ROR1: variants seen among roughly 807,000 people sequenced by gnomAD.
The protein encoded by ROR1 is ROR family WNT receptor 1.
Under a neutral mutation model 78.8 loss-of-function variants are expected in ROR1, and 19 were observed. The ratio of observed to expected loss-of-function variants is 0.24; its 90% CI spans 0.17 to 0.35. ROR1 has a LOEUF of 0.35. Among genes scored for constraint, ROR1 ranks in the 10% least tolerant of loss-of-function variants. ROR1 has a pLI of 1.00. For missense variants in ROR1, 917 were observed against 1,177.8 expected (o/e 0.78, Z 3.24); for synonymous variants, 386 against 433.6 (o/e 0.89, Z 1.36).
rs574636107 is a variant in ROR1 at position 63,943,659 on chromosome 1, A to G, written c.92-65646A>G. Among the ~76,000 whole-genome samples the G allele has an allele frequency of 2.0e-4, 30 of 152,332 alleles. No homozygotes were observed. In the South Asian group the frequency reaches 6.0e-3, roughly 31 times the overall value. Reference sequence around the variant, plus strand: ...GCCATGTGGTTAACTGCTCCCCGCCACCAAGCTGGCTGGTCACATTTGCAG... The same window carrying G: ...GCCATGTGGTTAACTGCTCCCCGCCGCCAAGCTGGCTGGTCACATTTGCAG... On this transcript the variant is annotated intron_variant, in intron 1 of 8. Coordinates refer to ENST00000371079, the MANE Select transcript of ROR1 (RefSeq NM_005012.4).
intron 4 of ROR1, among the ~76,000 whole-genome samples, chr1:64,070,605 C>T (rs1490661180): frequency 6.6e-6 from 1 of 152,152 alleles, no homozygotes; most frequent in Non-Finnish European, 1.5e-5. Context: ...TAGGTGTGAG[C>T]CACCACACCT....
chr1:63,861,648 CTG>C (rs1645182645), intron 1 of ROR1, among the ~76,000 whole-genome samples: 1 of 152,188 alleles, frequency 6.6e-6, no homozygotes, highest in Non-Finnish European at 1.5e-5. Flanking sequence ...CTTTCTGCAT[CTG>C]TGATTTGCAG....
At chr1:63,877,594 G>C (rs1645296211) in intron 1 of ROR1, among the ~76,000 whole-genome samples, 4 of 152,120 alleles carry the variant, frequency 2.6e-5, no homozygotes, top group South Asian at 2.1e-4. Context: ...AAGGTTACAG[G>C]GAGGACAATA....
chr1:63,804,218 G>T (rs986095975), intron 1 of ROR1, among the ~76,000 whole-genome samples: 1 of 152,142 alleles, frequency 6.6e-6, no homozygotes, highest in African/African-American at 2.4e-5. Context: ...TAATTGTAAT[G>T]GTGGTTACAT....
intron 1 of ROR1, among the ~76,000 whole-genome samples, chr1:63,961,165 T>C (rs569292846): frequency 4.6e-5 from 7 of 152,130 alleles, no homozygotes; most frequent in African/African-American, 1.7e-4. Flanking sequence ...TTTAATATTA[T>C]AAGGTCTGGA....
intron 1 of ROR1, among the ~76,000 whole-genome samples, chr1:63,928,151 T>C (rs1645721226): frequency 6.6e-6 from 1 of 152,206 alleles, no homozygotes; most frequent in Non-Finnish European, 1.5e-5. Flanking sequence ...CTTGAAGCAC[T>C]TGGCAATCGC....
intron 1 of ROR1, among the ~76,000 whole-genome samples, chr1:63,963,086 G>T (rs775607616): frequency 6.6e-6 from 1 of 152,144 alleles, no homozygotes; most frequent in Non-Finnish European, 1.5e-5. Flanking sequence ...CTCAGTTATA[G>T]ATGACATCTG....
rs57880828 is a variant in ROR1, at chr1:64,163,222, AACACACACACAC to A, written c.1386+4064_1386+4075del. On this transcript the variant is annotated intron_variant, in intron 8 of 8. Coordinates refer to ENST00000371079, the MANE Select transcript of ROR1 (RefSeq NM_005012.4). ...AACATGGGGAAACCCCATCTCTACAAACACACACACACACACACACACACACACACACACACA... is the reference window on the plus strand; with the variant it reads ...AACATGGGGAAACCCCATCTCTACAAACACACACACACACACACACACACA... 1.2e-3 allele frequency among the ~76,000 whole-genome samples: 164 copies of A among 137,672 alleles called. 1 individual carries two copies. The highest frequency in any genetic ancestry group is 5.3e-3 in the South Asian group (21 of 3,986). 90.3% of individuals were successfully genotyped at this position (137,672 alleles called of 152,430 possible). A position where few individuals can be genotyped will look rare whatever the true frequency, so the allele number is the denominator to read the frequency against.
chr1:64,129,214 C>A (rs1320802134), intron 4 of ROR1, among the ~76,000 whole-genome samples: 1 of 152,160 alleles, frequency 6.6e-6, no homozygotes, highest in African/African-American at 2.4e-5. Context: ...TTTCACCCCA[C>A]TTCTGAGTAG....
In ROR1 at chr1:64,160,420, C is replaced by A. The variant is rs1023773306; in HGVS notation, c.1386+1228C>A. ...TTCAGTGTATATATTCTGTATTCAG[C>A]AAAACCACTGATCTCTTGCTGAGTG... On this transcript the variant is annotated intron_variant, in intron 8 of 8. Coordinates refer to ENST00000371079, the MANE Select transcript of ROR1 (RefSeq NM_005012.4). Among the ~76,000 whole-genome samples the A allele has an allele frequency of 7.3e-5, 11 of 151,648 alleles. No homozygotes were observed. The East Asian group carries it at 2.1e-3, about 29-fold the overall frequency.
intron 4 of ROR1, among the ~76,000 whole-genome samples, chr1:64,087,613 T>G (rs1647165004): frequency 6.6e-6 from 1 of 152,224 alleles, no homozygotes; most frequent in African/African-American, 2.4e-5. Flanking sequence ...TATTTATTAT[T>G]GTCTTGTGAT....
At chr1:64,098,152 A>G (rs1647372982) in intron 4 of ROR1, among the ~76,000 whole-genome samples, 1 of 152,134 alleles carries the variant, frequency 6.6e-6, no homozygotes, top group Non-Finnish European at 1.5e-5. Flanking sequence ...CAGTGATGAA[A>G]TAAAGTGAAA....
intron 2 of ROR1, among the ~76,000 whole-genome samples, chr1:64,024,570 T>G (rs1310688022): frequency 2.6e-5 from 4 of 152,178 alleles, no homozygotes; most frequent in Non-Finnish European, 5.9e-5. Context: ...TTATCACCTA[T>G]TGTTGAAAAG....
At chr1:64,175,214 T>C (rs926673701) in intron 8 of ROR1, among the ~76,000 whole-genome samples, 1 of 152,076 alleles carries the variant, frequency 6.6e-6, no homozygotes, top group Non-Finnish European at 1.5e-5. Context: ...AGTTTCTTTA[T>C]TCTTATACAA....
chr1:63,973,684 T>TA lies in ROR1; in HGVS notation c.92-35613dup, dbSNP rs1357756986. Among the ~76,000 whole-genome samples, 19 of 152,030 alleles carry TA rather than the reference T, an allele frequency of 1.2e-4. No individual in the cohort carries two copies. In the East Asian group the frequency reaches 3.5e-3, roughly 28 times the overall value. On this transcript the variant is annotated intron_variant, in intron 1 of 8. Coordinates refer to ENST00000371079, the MANE Select transcript of ROR1 (RefSeq NM_005012.4). ...AGCAACAGACTTGCTGGATGTTTGTTAAAAAAAACCCAATCCCTGAACTTC... is the reference window on the plus strand; with the variant it reads ...AGCAACAGACTTGCTGGATGTTTGTTAAAAAAAAACCCAATCCCTGAACTTC...
intron 8 of ROR1, among the ~76,000 whole-genome samples, chr1:64,160,605 T>C (rs1649910085): frequency 6.6e-6 from 1 of 152,198 alleles, no homozygotes. Context: ...TATTATAGCA[T>C]TTTATATAAT....
intron 1 of ROR1, among the ~76,000 whole-genome samples, chr1:63,951,465 G>A (rs1217969389): frequency 6.6e-6 from 1 of 152,208 alleles, no homozygotes; most frequent in East Asian, 1.9e-4. Context: ...AAAGAGGGGG[G>A]CTGGGGAGAA....
In ROR1 at chr1:64,153,093, C is replaced by T. The variant is rs528413121; in HGVS notation, c.1175-5888C>T. ...GAATTTTGTCAGTTAAAGATTGGCC[C>T]GATTAAAAAGTGGGCAAAGGACTTG... On this transcript the variant is annotated intron_variant, in intron 7 of 8. Transcript: ENST00000371079. 1.1e-4 allele frequency among the ~76,000 whole-genome samples: 17 copies of T among 151,832 alleles called. No homozygotes were observed. In the South Asian group the frequency reaches 1.5e-3, roughly 13 times the overall value.
At chr1:63,809,832 G>C (rs916131073) in intron 1 of ROR1, among the ~76,000 whole-genome samples, 2 of 152,138 alleles carry the variant, frequency 1.3e-5, no homozygotes, top group African/African-American at 4.8e-5. Context: ...TAACATTTTA[G>C]GTTTTGGATT....
Sources: gnomAD v4.1 joint callset for allele counts (sites outside exome capture counted in the v4.1 genomes callset) on GRCh38, gnomAD v4.1.1 for gene constraint, MANE v1.5 for transcripts, NCBI Gene and HGNC (gene_info 2026-07-23, HGNC 2026-07-21) for gene names.